The following DYRK4 variants were observed in gnomAD, a reference collection of about 807,000 sequenced individuals.
DYRK4 encodes the protein dual specificity tyrosine-phosphorylation-regulated kinase 4.
In DYRK4, 64 loss-of-function variants were observed where a neutral mutation model predicts 68.3. That is an observed-to-expected ratio of 0.94 (90% CI 0.77 to 1.15). The LOEUF is 1.15. DYRK4 is among the 50% of genes most tolerant of loss of function. DYRK4 has a pLI of 0.00. For missense variants in DYRK4, 740 were observed against 764.7 expected (o/e 0.97, Z 0.38); for synonymous variants, 274 against 289.9 (o/e 0.95, Z 0.56).
At chr12:4,573,949 C>G (rs915034126) in intron 2 of DYRK4, among the ~76,000 whole-genome samples, 3 of 152,008 alleles carry the variant, frequency 2.0e-5, no homozygotes, top group African/African-American at 7.2e-5. Flanking sequence ...TCCCAGGCCC[C>G]GCGCAGTGGC....
intron 2 of DYRK4, chr12:4,573,235 G>A: frequency 9.4e-7 from 1 of 1,060,174 alleles, no homozygotes; most frequent in Non-Finnish European, 1.3e-6. Context: ...GTGGCTCAAT[G>A]AAGATAGGCA....
intron 11 of DYRK4, among the ~76,000 whole-genome samples, chr12:4,606,835 C>A (rs1945157587): frequency 6.6e-6 from 1 of 152,192 alleles, no homozygotes; most frequent in Admixed American, 6.5e-5. Flanking sequence ...ATTTCCTTAT[C>A]TCTGTGTGCC....
intron 2 of DYRK4, among the ~76,000 whole-genome samples, chr12:4,574,244 A>AGT (rs1944763169): frequency 6.6e-6 from 1 of 151,032 alleles, no homozygotes; most frequent in African/African-American, 2.4e-5. Context: ...AAAAAAAAAA[A>AGT]AAAGGAAAGA....
chr12:4,596,028 T>C (rs1042846278), intron 6 of DYRK4, 121 bp from the exon 7 acceptor site: 2 of 1,047,498 alleles, frequency 1.9e-6, no homozygotes, highest in African/African-American at 3.2e-5. Flanking sequence ...AAGTGCCCAG[T>C]GTAGTTAGAA....
At chr12:4,602,978 C>G (rs1441940384) in intron 10 of DYRK4, 5 of 891,074 alleles carry the variant, frequency 5.6e-6, no homozygotes, top group Non-Finnish European at 7.1e-6. Flanking sequence ...TTTTCACTCC[C>G]TTTTATCATT....
At chr12:4,598,898 CCTTGCCTCCTGGCCTGAGG>C (rs1243416187) in intron 8 of DYRK4, 111 bp from the exon 9 acceptor site, 1 of 1,016,028 alleles carries the variant, frequency 9.8e-7, no homozygotes, top group African/African-American at 1.6e-5. Flanking sequence ...GGCATGAAAG[CCTTGCCTCCTGGCCTGAGG>C]CTTGCCTGCT....
chr12:4,597,160 T>G, intron 8 of DYRK4: 1 of 1,041,110 alleles, frequency 9.6e-7, no homozygotes, highest in South Asian at 3.4e-5. Flanking sequence ...TTTGAGTAAA[T>G]AAGGACAAGA....
chr12:4,568,108 C>G, intron 2 of DYRK4, 60 bp downstream of exon 2: 3 of 1,413,382 alleles, frequency 2.1e-6, no homozygotes, highest in Non-Finnish European at 1.9e-6. Context: ...CCTAGGGACT[C>G]AGGACCCAGT....
chr12:4,607,394 C>T lies in DYRK4; in HGVS notation c.1360+7C>T. On this transcript the variant is annotated splice_region_variant and intron_variant, in intron 12 of 14. Coordinates refer to ENST00000543431, the MANE Select transcript of DYRK4 (RefSeq NM_001394779.1). ...AGGAGACAGACATTCTTTGGTAAGT[C>T]CTAGTGTGTCTCATGAGGTGTCACA... The T allele has an allele frequency of 6.2e-7, 1 of 1,614,124 alleles. No individual in the cohort carries two copies. The highest frequency in any genetic ancestry group is 1.7e-5 in the Admixed American group (1 of 60,024).
At chr12:4,599,554 C>A (rs539948754) in intron 9 of DYRK4, 153 bp from the exon 10 acceptor site, 3 of 605,140 alleles carry the variant, frequency 5.0e-6, no homozygotes, top group South Asian at 2.1e-5. Flanking sequence ...AAAGTCAGAG[C>A]GGAGGATGAT....
At chr12:4,596,862 A>G (rs1306976544) in intron 8 of DYRK4, 133 bp downstream of exon 8, 4 of 1,516,696 alleles carry the variant, frequency 2.6e-6, no homozygotes, top group Non-Finnish European at 3.5e-6. Flanking sequence ...TCACTCAGTT[A>G]TCCAGAATGC....
chr12:4,598,959 T>C, intron 8 of DYRK4, 69 bp from the exon 9 acceptor site: 1 of 1,564,188 alleles, frequency 6.4e-7, no homozygotes, highest in Non-Finnish European at 8.8e-7. Flanking sequence ...ACAAGATTGT[T>C]TGCAGGTTCA....
At chr12:4,612,463 CT>C (rs1440238645) in intron 13 of DYRK4, 79 bp from the exon 14 acceptor site, 11 of 1,418,806 alleles carry the variant, frequency 7.8e-6, no homozygotes, top group Non-Finnish European at 1.0e-5. Context: ...AAATAAAAAT[CT>C]TTATTGGGTT....
intron 1 of DYRK4, among the ~76,000 whole-genome samples, chr12:4,565,782 C>A (rs188060687): frequency 2.6e-5 from 4 of 151,810 alleles, no homozygotes; most frequent in African/African-American, 4.8e-5. Flanking sequence ...TGAGGCACCA[C>A]ACACAGCTAA....
At chr12:4,573,328 A>G (rs928194343) in intron 2 of DYRK4, 25 of 1,289,228 alleles carry the variant, frequency 1.9e-5, no homozygotes, top group Non-Finnish European at 2.5e-5. Flanking sequence ...ATTCTTTCCT[A>G]GGGCCCCACT....
rs929273871 is a variant in DYRK4, at chr12:4,602,905, G to A, written c.1127-2009G>A. ...TTCTTTCATTTTCAAAATAACTTTT[G>A]TAAGTATTAGTGTCTTTTAGTGGAG... On this transcript the variant is annotated intron_variant, in intron 10 of 14. Coordinates refer to ENST00000543431, the MANE Select transcript of DYRK4 (RefSeq NM_001394779.1). The A allele has an allele frequency of 1.5e-5, 14 of 935,268 alleles. No homozygotes were observed. In the East Asian group the frequency reaches 2.4e-4, roughly 16 times the overall value. 57.9% of individuals were successfully genotyped at this position (935,268 alleles called of 1,614,324 possible). A position where few individuals can be genotyped will look rare whatever the true frequency, so the allele number is the denominator to read the frequency against.
chr12:4,565,876 G>A lies in DYRK4; in HGVS notation c.39-2079G>A, dbSNP rs193240195. Reference sequence around the variant, plus strand: ...ATTCCTGACCTCAGATGATCCACCCGCCACGGCCTCCCAAAGTGCTGGGAT... The same window carrying A: ...ATTCCTGACCTCAGATGATCCACCCACCACGGCCTCCCAAAGTGCTGGGAT... On this transcript the variant is annotated intron_variant, in intron 1 of 14. Coordinates refer to ENST00000543431, the MANE Select transcript of DYRK4 (RefSeq NM_001394779.1). Among the ~76,000 whole-genome samples, 361 of 152,162 alleles carry A rather than the reference G, an allele frequency of 2.4e-3. 2 individuals carry two copies. Among genetic ancestry groups the A allele is most frequent in the South Asian group, 9.5e-3 (46 of 4,818 alleles).
chr12:4,594,812 T>C (rs1415470623), intron 6 of DYRK4, among the ~76,000 whole-genome samples: 2 of 151,578 alleles, frequency 1.3e-5, no homozygotes, highest in Non-Finnish European at 2.9e-5. Context: ...CACACACAAA[T>C]ACATACTGCA....
At chr12:4,575,502 G>A (rs1448382866) in intron 2 of DYRK4, among the ~76,000 whole-genome samples, 2 of 151,866 alleles carry the variant, frequency 1.3e-5, no homozygotes, top group African/African-American at 2.4e-5. Flanking sequence ...GTAGAGACGG[G>A]GTTTCACTAT....
Sources: gnomAD v4.1 joint callset for allele counts (sites outside exome capture counted in the v4.1 genomes callset) on GRCh38, gnomAD v4.1.1 for gene constraint, MANE v1.5 for transcripts, NCBI Gene and HGNC (gene_info 2026-07-23, HGNC 2026-07-21) for gene names.